BLOC1S6: variants seen among roughly 807,000 people sequenced by gnomAD.
BLOC1S6 encodes the protein biogenesis of lysosome-related organelles complex 1 subunit 6.
Under a neutral mutation model 24.7 loss-of-function variants are expected in BLOC1S6, and 24 were observed. The ratio of observed to expected loss-of-function variants is 0.97; its 90% CI spans 0.70 to 1.37. BLOC1S6 has a LOEUF of 1.37. BLOC1S6 is among the 40% of genes most tolerant of loss of function. The pLI is 0.00. For synonymous variants in BLOC1S6, 76 were observed against 72.6 expected (o/e 1.05, Z -0.23); for missense variants, 175 against 196.2 (o/e 0.89, Z 0.64).
At chr15:45,600,494 G>C (rs1437438534) in intron 2 of BLOC1S6, among the ~76,000 whole-genome samples, 1 of 152,150 alleles carries the variant, frequency 6.6e-6, no homozygotes, top group African/African-American at 2.4e-5. Context: ...CTAGTTTGTT[G>C]ATGGTTTATA....
At chr15:45,606,344 C>T in intron 4 of BLOC1S6, 51 bp from the exon 5 acceptor site, 2 of 1,608,426 alleles carry the variant, frequency 1.2e-6, no homozygotes, top group Non-Finnish European at 1.7e-6. Context: ...TTAGGCTAAA[C>T]CTGTAACCCC....
At chr15:45,602,083 A>G (rs1395007034) in intron 2 of BLOC1S6, among the ~76,000 whole-genome samples, 3 of 151,774 alleles carry the variant, frequency 2.0e-5, no homozygotes, top group African/African-American at 7.3e-5. Context: ...TTGTTTTTGT[A>G]GAGGGTCTTG....
chr15:45,589,078 A>G (rs1171802712), intron 1 of BLOC1S6, among the ~76,000 whole-genome samples: 1 of 152,268 alleles, frequency 6.6e-6, no homozygotes, highest in African/African-American at 2.4e-5. Flanking sequence ...AGCTCACTGC[A>G]GCATTGTCTG....
intron 2 of BLOC1S6, among the ~76,000 whole-genome samples, chr15:45,593,857 C>A (rs1039385733): frequency 1.3e-5 from 2 of 151,860 alleles, no homozygotes; most frequent in Non-Finnish European, 2.9e-5. Flanking sequence ...CTAGTATTAT[C>A]CTTATTTACA....
rs575984199 is a variant in BLOC1S6 at position 45,601,450 on chromosome 15, A to G, written c.225-1650A>G. On this transcript the variant is annotated intron_variant, in intron 2 of 4. Coordinates refer to ENST00000220531, the MANE Select transcript of BLOC1S6 (RefSeq NM_012388.4). ...CAATTTGTCTAATAAATATAGGCCTACATAAACTTTTTGTTTCTCCTTGTA... is the reference window on the plus strand; with the variant it reads ...CAATTTGTCTAATAAATATAGGCCTGCATAAACTTTTTGTTTCTCCTTGTA... 2.0e-5 allele frequency: 3 copies of G among 153,686 alleles called. No homozygotes were observed. In the Admixed American group the frequency reaches 2.0e-4, roughly 10 times the overall value. 9.5% of individuals were successfully genotyped at this position (153,686 alleles called of 1,614,324 possible). A position where few individuals can be genotyped will look rare whatever the true frequency, so the allele number is the denominator to read the frequency against.
In BLOC1S6 at chr15:45,603,127, A is replaced by T. The variant is rs114872740; in HGVS notation, c.252A>T (p.Thr84=). The change falls in exon 3 of 5, where the codon ACA becomes ACT. Residue 84 remains threonine (T), a synonymous_variant. Transcript: ENST00000220531. ...LTQNQVVLLD[T]LEQEISKFKE... The stretch of plus-strand genomic sequence containing the variant: ...AGAACCAAGTTGTATTGTTAGACAC[A>T]CTGGAACAAGAGATTTCAAAATTTA... 9.2e-5 allele frequency: 148 copies of T among 1,611,624 alleles called. No individual in the cohort carries two copies. In the African/African-American group the frequency reaches 1.8e-3, roughly 20 times the overall value.
rs1425998546 is a variant in BLOC1S6 at position 45,608,912 on chromosome 15, A to G, written c.*2398A>G. 6.6e-6 allele frequency: 1 copy of G among 152,214 alleles called. No homozygotes were observed. The highest frequency in any genetic ancestry group is 1.5e-5 in the Non-Finnish European group (1 of 68,044). The allele number at this position is 152,214 out of a possible 1,614,324, so 9.4% of individuals were successfully genotyped here. A position where few individuals can be genotyped will look rare whatever the true frequency, so the allele number is the denominator to read the frequency against. The stretch of plus-strand genomic sequence containing the variant: ...ATAGTCAGACTTAAGACTGAACCCC[A>G]GTAGACAGGCAATAGATATAGAATT... On this transcript the variant is annotated 3_prime_UTR_variant, in exon 5 of 5. Transcript: ENST00000220531.
chr15:45,602,929 C>CT (rs1188378899), intron 2 of BLOC1S6, among the ~76,000 whole-genome samples, 171 bp from the exon 3 acceptor site: 1 of 152,134 alleles, frequency 6.6e-6, no homozygotes, highest in Non-Finnish European at 1.5e-5. Flanking sequence ...CAGAATGTGG[C>CT]TTTAGAATAT....
rs779295610 is a variant in BLOC1S6, at chr15:45,605,524, A to G, written c.399+10A>G. On this transcript the variant is annotated intron_variant, in intron 4 of 4. Transcript: ENST00000220531. ...AACATCAAAGTTAAAAGTGAGTTGAAAATTCTTTCACATTCTTTACAAAAG... is the reference window on the plus strand; with the variant it reads ...AACATCAAAGTTAAAAGTGAGTTGAGAATTCTTTCACATTCTTTACAAAAG... 1.9e-6 allele frequency: 3 copies of G among 1,577,088 alleles called. No individual in the cohort carries two copies. The South Asian group carries it at 3.3e-5, about 18-fold the overall frequency.
At position 45,592,179 on chromosome 15, in the gene BLOC1S6, A is replaced by C. The variant is rs1158787056; in HGVS notation, c.127A>C (p.Thr43Pro). 2 of 1,614,160 alleles carry C rather than the reference A, an allele frequency of 1.2e-6. No individual in the cohort carries two copies. Among genetic ancestry groups the C allele is most frequent in the East Asian group, 4.5e-5 (2 of 44,878 alleles). Residue 43 changes from threonine to proline, a missense_variant, in exon 2 of 5, where the codon ACT becomes CCT. Thr to Pro is a conservative substitution (Grantham distance 38). Transcript: ENST00000220531. Reference protein sequence around the residue: ...SPDEGLIEDLTIEDKAVEQLA... With the variant: ...SPDEGLIEDLPIEDKAVEQLA... ...AGATGAAGGGTTAATAGAGGACTTG[A>C]CTATAGAAGACAAAGCAGTGGAGCA...
chr15:45,597,494 CTT>C, intron 2 of BLOC1S6, among the ~76,000 whole-genome samples: 1 of 152,084 alleles, frequency 6.6e-6, no homozygotes. Flanking sequence ...ACAGTTGAGT[CTT>C]TTAATCTGTG....
chr15:45,606,262 A>G, intron 4 of BLOC1S6, 133 bp from the exon 5 acceptor site: 1 of 1,321,298 alleles, frequency 7.6e-7, no homozygotes, highest in Non-Finnish European at 1.1e-6. Context: ...AATTATCCCA[A>G]ATTTAAATGT....
chr15:45,592,286 T>TA lies in BLOC1S6; in HGVS notation c.224+16dup. On this transcript the variant is annotated intron_variant, in intron 2 of 4. Transcript: ENST00000220531. Reference sequence around the variant, plus strand: ...CCCTCCAGGAACTCACGTAAGCTAATAAAAAACCAGATATACACTCATTTC... The same window carrying TA: ...CCCTCCAGGAACTCACGTAAGCTAATAAAAAAACCAGATATACACTCATTTC... 1 of 1,613,494 alleles carries TA rather than the reference T, an allele frequency of 6.2e-7. No homozygotes were observed. The highest frequency in any genetic ancestry group is 1.6e-4 in the Middle Eastern group (1 of 6,062).
At chr15:45,595,661 C>T (rs1477623663) in intron 2 of BLOC1S6, among the ~76,000 whole-genome samples, 3 of 151,856 alleles carry the variant, frequency 2.0e-5, no homozygotes, top group Non-Finnish European at 1.5e-5. Context: ...AAAATATAGT[C>T]GGTTTTTTCT....
intron 4 of BLOC1S6, among the ~76,000 whole-genome samples, 187 bp from the exon 5 acceptor site, chr15:45,606,208 T>TA (rs1894451810): frequency 6.6e-6 from 1 of 152,204 alleles, no homozygotes; most frequent in African/African-American, 2.4e-5. Flanking sequence ...TCTCATTTAA[T>TA]AAGAGTTTAG....
chr15:45,592,259 A>C lies in BLOC1S6; in HGVS notation c.207A>C (p.Gln69His). 1 of 1,614,076 alleles carries C rather than the reference A, an allele frequency of 6.2e-7. No homozygotes were observed. Among genetic ancestry groups the C allele is most frequent in the Non-Finnish European group, 8.5e-7 (1 of 1,180,034 alleles). ...TGCCAGATCTGCAGAGATCAAAACA[A>C]GCCCTCCAGGAACTCACGTAAGCTA... ...HYLPDLQRSK[Q>H]ALQELTQNQV... The change falls in exon 2 of 5, where the codon CAA becomes CAC. Residue 69 changes from glutamine (Q) to histidine (H), a missense_variant. Coordinates refer to ENST00000220531, the MANE Select transcript of BLOC1S6 (RefSeq NM_012388.4).
chr15:45,601,377 C>T lies in BLOC1S6; in HGVS notation c.225-1723C>T, dbSNP rs78411719. 1,077 of 154,404 alleles carry T rather than the reference C, an allele frequency of 7.0e-3. 8 individuals carry two copies. Among genetic ancestry groups the T allele is most frequent in the African/African-American group, 0.025 (1,031 of 41,606 alleles). 9.6% of individuals were successfully genotyped at this position (154,404 alleles called of 1,614,324 possible). On this transcript the variant is annotated intron_variant, in intron 2 of 4. Transcript: ENST00000220531. ...GTTTGGTAAAAATTACCAGTGAAGC[C>T]GTTTGGTCCCGGTACTGTCTTTTTT...
rs578010300 is a variant in BLOC1S6 at position 45,603,330 on chromosome 15, G to C, written c.312+143G>C. The stretch of plus-strand genomic sequence containing the variant: ...GATTGAACTTCTGTTGTGTTGAATT[G>C]TTATCTTTCAAATGTTGAATTTATA... On this transcript the variant is annotated intron_variant, in intron 3 of 4. Coordinates refer to ENST00000220531, the MANE Select transcript of BLOC1S6 (RefSeq NM_012388.4). The C allele has an allele frequency of 1.5e-5, 9 of 594,468 alleles. 1 individual carries two copies. In the South Asian group the frequency reaches 1.5e-4, roughly 10 times the overall value. 36.8% of individuals were successfully genotyped at this position (594,468 alleles called of 1,614,324 possible). A position where few individuals can be genotyped will look rare whatever the true frequency, so the allele number is the denominator to read the frequency against.
intron 3 of BLOC1S6, among the ~76,000 whole-genome samples, chr15:45,604,412 G>C (rs771438978): frequency 9.2e-5 from 14 of 152,142 alleles, no homozygotes; most frequent in Non-Finnish European, 1.6e-4. Flanking sequence ...CGAGGGAGGT[G>C]GGCAAGGCTA....
Sources: gnomAD v4.1 joint callset for allele counts (sites outside exome capture counted in the v4.1 genomes callset) on GRCh38, gnomAD v4.1.1 for gene constraint, MANE v1.5 for transcripts, NCBI Gene and HGNC (gene_info 2026-07-23, HGNC 2026-07-21) for gene names.